Variants in ESRRB observed in about 807,000 individuals in gnomAD.
The protein encoded by ESRRB is estrogen related receptor beta.
A neutral mutation model predicts 46.0 loss-of-function variants in ESRRB; 16 were observed. The ratio of observed to expected loss-of-function variants is 0.35; its 90% confidence interval spans 0.24 to 0.53. The LOEUF (loss-of-function observed/expected upper bound fraction) is 0.53. Ranked by LOEUF, ESRRB falls within the 20% of genes least tolerant of loss-of-function variation. The probability of loss-of-function intolerance (pLI) is 0.93; values close to 1 mark genes in which losing one functional copy is unlikely to be tolerated. For missense variants in ESRRB, 488 were observed against 607.4 expected (o/e 0.80, Z 2.07); for synonymous variants, 246 against 259.6 (o/e 0.95, Z 0.50).
chr14:76,355,283 G>A (rs1052568005), intron 1 of ESRRB, among the ~76,000 whole-genome samples: 3 of 152,096 alleles, frequency 2.0e-5, no homozygotes, highest in South Asian at 2.1e-4. Flanking sequence ...CTTGGGACCC[G>A]AAATACTGAG....
At chr14:76,320,430 G>A (rs967805075) in intron 1 of ESRRB, among the ~76,000 whole-genome samples, 4 of 152,166 alleles carry the variant, frequency 2.6e-5, no homozygotes, top group African/African-American at 9.7e-5. Context: ...GGACTGTTCT[G>A]TTCAGTCCTG....
At chr14:76,416,056 T>A (rs983219991) in intron 1 of ESRRB, among the ~76,000 whole-genome samples, 5 of 152,166 alleles carry the variant, frequency 3.3e-5, no homozygotes, top group African/African-American at 9.7e-5. Context: ...AAATGTCACT[T>A]CTATGTCCAT....
rs113720347 is a variant in ESRRB, at chr14:76,455,656, G to A, written c.461-6889G>A. ...TAAAAGGTATAGGAGAGGTAAAATC[G>A]GCAATACCTTGTATATGTGGAAATG... On this transcript the variant is annotated intron_variant, in intron 2 of 6. Coordinates refer to ENST00000644823, the MANE Select transcript of ESRRB (RefSeq NM_001379180.1). 7.5e-3 allele frequency among the ~76,000 whole-genome samples: 1,147 copies of A among 152,180 alleles called. 19 individuals are homozygous for A. Among genetic ancestry groups the A allele is most frequent in the African/African-American group, 0.026 (1,061 of 41,512 alleles).
intron 1 of ESRRB, among the ~76,000 whole-genome samples, chr14:76,348,813 C>T (rs1001336545): frequency 3.4e-4 from 52 of 152,180 alleles, no homozygotes; most frequent in Non-Finnish European, 1.6e-4. Flanking sequence ...TACTGATATA[C>T]CCCGTGTTGA....
intron 2 of ESRRB, among the ~76,000 whole-genome samples, chr14:76,456,568 A>C (rs547914920): frequency 3.9e-4 from 60 of 152,300 alleles, no homozygotes; most frequent in African/African-American, 1.3e-3. Context: ...GGAAAAATCC[A>C]GGAGGCCCCT....
intron 1 of ESRRB, among the ~76,000 whole-genome samples, chr14:76,403,403 C>A (rs899730237): frequency 6.6e-6 from 1 of 152,132 alleles, no homozygotes; most frequent in African/African-American, 2.4e-5. Flanking sequence ...GGTTTGAAAT[C>A]AAACAGTTTA....
rs747739012 is a variant in ESRRB, at chr14:76,491,432, C to T, written c.851-15C>T. 7.5e-6 allele frequency: 12 copies of T among 1,607,330 alleles called. No homozygotes were observed. The East Asian group carries it at 2.5e-4, about 33-fold the overall frequency. ...CCTGACCTGCTGCTGCCCTCTGTGC[C>T]CCCTCTTCCTGCAGGCTTCTCAAGC... On this transcript the variant is annotated splice_polypyrimidine_tract_variant and intron_variant, in intron 5 of 6. Transcript: ENST00000644823.
rs1180651066 is a variant in ESRRB, at chr14:76,482,104, T to C, written c.666T>C (p.Ile222=). Residue 222 remains isoleucine (I), a synonymous_variant, in exon 4 of 7, where the codon ATT becomes ATC. Coordinates refer to ENST00000644823, the MANE Select transcript of ESRRB (RefSeq NM_001379180.1). The surrounding 1 kb of genome is among the most constrained non-coding windows in gnomAD (Gnocchi z 4.3). ...GCAGCCCATACCTGAGCTTACAAAT[T>C]TCTCCACCTGCTAAAAAGCCATGTG... ...SESSPYLSLQ[I]SPPAKKPLTK... 6.2e-7 allele frequency: 1 copy of C among 1,614,156 alleles called. No homozygotes were observed. Among genetic ancestry groups the C allele is most frequent in the Non-Finnish European group, 8.5e-7 (1 of 1,180,000 alleles).
At chr14:76,400,615 G>C (rs916334915) in intron 1 of ESRRB, among the ~76,000 whole-genome samples, 1 of 152,196 alleles carries the variant, frequency 6.6e-6, no homozygotes, top group Non-Finnish European at 1.5e-5. Context: ...AGTTTGGGTG[G>C]TGGTGAACGG....
At chr14:76,461,736 C>G (rs189916301) in intron 2 of ESRRB, among the ~76,000 whole-genome samples, 8 of 152,254 alleles carry the variant, frequency 5.3e-5, no homozygotes, top group African/African-American at 1.9e-4. Flanking sequence ...GTCTCGAACT[C>G]CTGACCTCAG....
chr14:76,452,338 G>A (rs539370325), intron 2 of ESRRB, among the ~76,000 whole-genome samples: 1 of 152,038 alleles, frequency 6.6e-6, no homozygotes, highest in African/African-American at 2.4e-5. Context: ...TTTCAAAAGT[G>A]GATTCAGGCT....
chr14:76,372,434 CT>C (rs1884646952), upstream of ESRRB, among the ~76,000 whole-genome samples: 2 of 152,156 alleles, frequency 1.3e-5, no homozygotes, highest in Admixed American at 1.3e-4. Flanking sequence ...TGTGTCCCCT[CT>C]GTCCACCAGG....
chr14:76,414,598 C>G (rs897996518), intron 1 of ESRRB, among the ~76,000 whole-genome samples: 1 of 143,854 alleles, frequency 7.0e-6, no homozygotes, highest in African/African-American at 2.6e-5. Flanking sequence ...CCCAACCAGT[C>G]AGCACAGAAA....
chr14:76,379,023 A>G (rs948981046), intron 1 of ESRRB, among the ~76,000 whole-genome samples: 4 of 152,130 alleles, frequency 2.6e-5, no homozygotes. Context: ...TTGAGGGAGG[A>G]GGAACTCTCT....
intron 5 of ESRRB, among the ~76,000 whole-genome samples, chr14:76,485,505 G>T (rs372428677): frequency 6.6e-6 from 1 of 152,056 alleles, no homozygotes; most frequent in South Asian, 2.1e-4. Flanking sequence ...GCCTCCCAAA[G>T]TGCTGGGATT....
intron 5 of ESRRB, among the ~76,000 whole-genome samples, chr14:76,485,233 ATTTTTTT>A (rs34504939): frequency 4.4e-5 from 4 of 91,858 alleles, no homozygotes; most frequent in Admixed American, 1.4e-4. Flanking sequence ...CAAATGCCTG[ATTTTTTT>A]TTTTTTTTTT....
chr14:76,354,630 GA>G (rs1340864481), intron 1 of ESRRB, among the ~76,000 whole-genome samples: 4 of 151,420 alleles, frequency 2.6e-5, no homozygotes, highest in Non-Finnish European at 1.5e-5. Context: ...AGAATAAGGT[GA>G]GGGGCTGACC....
At chr14:76,451,701 A>G (rs1013153071) in intron 2 of ESRRB, among the ~76,000 whole-genome samples, 6 of 151,784 alleles carry the variant, frequency 4.0e-5, no homozygotes, top group Non-Finnish European at 8.8e-5. Context: ...ATCTCGGTTC[A>G]CTGCAGATTC....
chr14:76,471,323 C>T (rs1219020276), intron 3 of ESRRB, among the ~76,000 whole-genome samples: 1 of 152,182 alleles, frequency 6.6e-6, no homozygotes, highest in African/African-American at 2.4e-5. Flanking sequence ...TGTTTAATCC[C>T]CCTAGCAGTG....
Sources: allele counts gnomAD v4.1 joint callset (sites outside exome capture counted in the v4.1 genomes callset), GRCh38; gene constraint gnomAD v4.1.1; non-coding constraint Gnocchi (gnomAD v3.1); transcripts MANE v1.5; gene names NCBI Gene and HGNC (gene_info 2026-07-23, HGNC 2026-07-21).